The following COG5 variants were observed in gnomAD, a reference collection of about 807,000 sequenced individuals.
The protein encoded by COG5 is component of oligomeric golgi complex 5.
In COG5, 86 loss-of-function variants were observed where a neutral mutation model predicts 110.4. The ratio of observed to expected loss-of-function variants is 0.78; its 90% CI spans 0.65 to 0.93. The LOEUF (loss-of-function observed/expected upper bound fraction) is 0.93, where lower values mean the gene tolerates loss of function less well. COG5 is among the 40% of genes least tolerant of loss of function. COG5 has a pLI of 0.00. For missense variants in COG5, 1,077 were observed against 987.0 expected (o/e 1.09, Z -1.22); for synonymous variants, 360 against 334.6 (o/e 1.08, Z -0.83).
At chr7:107,208,985 C>G in intron 21 of COG5, 3 of 977,256 alleles carry the variant, frequency 3.1e-6, no homozygotes, top group Non-Finnish European at 3.6e-6. Flanking sequence ...TGATAGCAGG[C>G]CTACCCTGGA....
Position 107,372,773 on chromosome 7 carries a change from T to TG in COG5, c.670-14dup. 1 of 1,612,696 alleles carries TG rather than the reference T, an allele frequency of 6.2e-7. No individual in the cohort carries two copies. Among genetic ancestry groups the TG allele is most frequent in the South Asian group, 1.1e-5 (1 of 91,012 alleles). ...CTTGAGTTGGATTCTTAAAAAAAGG[T>TG]GGGGTGGGGTGGAAACAGATATAAA... On this transcript the variant is annotated splice_polypyrimidine_tract_variant and intron_variant, in intron 7 of 21. Coordinates refer to ENST00000297135, the MANE Select transcript of COG5 (RefSeq NM_006348.5).
chr7:107,455,340 A>T (rs1194194982), intron 6 of COG5, among the ~76,000 whole-genome samples: 1 of 152,192 alleles, frequency 6.6e-6, no homozygotes. Context: ...AAGATAGACA[A>T]ATAATTGAAG....
At chr7:107,292,057 G>A (rs774742275) in intron 12 of COG5, among the ~76,000 whole-genome samples, 5 of 151,684 alleles carry the variant, frequency 3.3e-5, no homozygotes, top group East Asian at 3.9e-4. Context: ...CCTTCTTTTA[G>A]AAAGGGTGTT....
chr7:107,303,103 T>C (rs1354005482), intron 11 of COG5, among the ~76,000 whole-genome samples: 1 of 152,108 alleles, frequency 6.6e-6, no homozygotes, highest in Non-Finnish European at 1.5e-5. Context: ...TTTTTTTTCT[T>C]TTTTTTCTTA....
chr7:107,513,902 G>A (rs1584919195), intron 6 of COG5, among the ~76,000 whole-genome samples: 1 of 151,696 alleles, frequency 6.6e-6, no homozygotes. Flanking sequence ...CTGTTGTGGG[G>A]TGGGGGAAGA....
At chr7:107,552,618 CAA>C (rs1802994018) in intron 3 of COG5, among the ~76,000 whole-genome samples, 1 of 151,960 alleles carries the variant, frequency 6.6e-6, no homozygotes, top group Non-Finnish European at 1.5e-5. Flanking sequence ...ATTAAAAAGT[CAA>C]AAAACAACAG....
chr7:107,342,221 G>C (rs1463343227), intron 10 of COG5, among the ~76,000 whole-genome samples: 2 of 151,814 alleles, frequency 1.3e-5, no homozygotes, highest in Non-Finnish European at 2.9e-5. Flanking sequence ...GACATGAACA[G>C]GTACTTCTCA....
chr7:107,395,920 T>C (rs948254174), intron 7 of COG5, among the ~76,000 whole-genome samples: 6 of 152,290 alleles, frequency 3.9e-5, no homozygotes, highest in African/African-American at 1.2e-4. Context: ...TTAGGCCGAT[T>C]TTCAGGTAAA....
chr7:107,487,966 T>C (rs1372142705), intron 6 of COG5, among the ~76,000 whole-genome samples: 1 of 152,152 alleles, frequency 6.6e-6, no homozygotes, highest in Non-Finnish European at 1.5e-5. Flanking sequence ...GTTATATCTG[T>C]AGTTTTTAAT....
chr7:107,203,148 T>G lies in COG5; in HGVS notation c.*368A>C. On this transcript the variant is annotated 3_prime_UTR_variant, in exon 22 of 22. Coordinates refer to ENST00000297135, the MANE Select transcript of COG5 (RefSeq NM_006348.5). ...GCTTATTTAGTGAAGAAGGCAGGGT[T>G]GGGGGAAGCAGGGTACATGTTATAA... 1 of 261,046 alleles carries G rather than the reference T, an allele frequency of 3.8e-6. No individual in the cohort carries two copies. The highest frequency in any genetic ancestry group is 7.5e-6 in the Non-Finnish European group (1 of 132,702). 16.2% of individuals were successfully genotyped at this position (261,046 alleles called of 1,614,324 possible).
chr7:107,546,281 C>T (rs554679197), intron 5 of COG5, among the ~76,000 whole-genome samples: 14 of 152,044 alleles, frequency 9.2e-5, no homozygotes, highest in African/African-American at 3.1e-4. Flanking sequence ...AAATAAATAA[C>T]CTAGTATTAA....
At chr7:107,334,125 C>A (rs551904712) in intron 10 of COG5, among the ~76,000 whole-genome samples, 2 of 152,156 alleles carry the variant, frequency 1.3e-5, no homozygotes, top group African/African-American at 4.8e-5. Context: ...ATGTTTACTG[C>A]AGCACTGGTC....
At chr7:107,549,435 A>AG (rs1157115845) in intron 3 of COG5, among the ~76,000 whole-genome samples, 4 of 152,118 alleles carry the variant, frequency 2.6e-5, no homozygotes, top group Admixed American at 2.0e-4. Flanking sequence ...TCTGTCGCCC[A>AG]GGCTGGAGTG....
At chr7:107,220,550 C>A (rs1238539932) in intron 19 of COG5, among the ~76,000 whole-genome samples, 1 of 152,204 alleles carries the variant, frequency 6.6e-6, no homozygotes, top group African/African-American at 2.4e-5. Context: ...TTGTCCCCAA[C>A]AGAAAAAGCT....
chr7:107,318,402 T>C (rs903536908), intron 11 of COG5, among the ~76,000 whole-genome samples: 1 of 152,154 alleles, frequency 6.6e-6, no homozygotes, highest in African/African-American at 2.4e-5. Flanking sequence ...AATGTACTCA[T>C]TTAAAGAAAG....
At chr7:107,307,214 C>T (rs905355800) in intron 11 of COG5, among the ~76,000 whole-genome samples, 1 of 152,170 alleles carries the variant, frequency 6.6e-6, no homozygotes, top group Non-Finnish European at 1.5e-5. Flanking sequence ...CGCTATCATT[C>T]CAATTGCCAA....
intron 8 of COG5, among the ~76,000 whole-genome samples, chr7:107,367,842 C>T (rs191525286): frequency 2.0e-5 from 3 of 151,914 alleles, no homozygotes; most frequent in Admixed American, 6.6e-5. Context: ...GTACATGACT[C>T]GGGTGACCAT....
chr7:107,476,409 T>A (rs1797000060), intron 6 of COG5, among the ~76,000 whole-genome samples: 1 of 151,420 alleles, frequency 6.6e-6, no homozygotes, highest in Non-Finnish European at 1.5e-5. Flanking sequence ...TCCCACCAAA[T>A]CATAGCTCCC....
chr7:107,402,513 T>C (rs1791510542), intron 7 of COG5, among the ~76,000 whole-genome samples: 3 of 152,230 alleles, frequency 2.0e-5, no homozygotes, highest in African/African-American at 4.8e-5. Context: ...CTGGTATCTA[T>C]GGTGACGCAG....
Sources: allele counts gnomAD v4.1 joint callset (sites outside exome capture counted in the v4.1 genomes callset), GRCh38; gene constraint gnomAD v4.1.1; transcripts MANE v1.5; gene names NCBI Gene and HGNC (gene_info 2026-07-23, HGNC 2026-07-21).